Variants in PRKN observed in about 807,000 individuals in gnomAD.
PRKN encodes parkin RBR E3 ubiquitin protein ligase, also known as E3 ubiquitin-protein ligase parkin.
In PRKN, 56 loss-of-function variants were observed where a neutral mutation model predicts 59.5. That is an observed-to-expected ratio of 0.94 (90% confidence interval 0.76 to 1.18). The LOEUF (loss-of-function observed/expected upper bound fraction) is 1.18, where lower values mean the gene tolerates loss of function less well. PRKN is among the 50% of genes most tolerant of loss of function. The pLI is 0.00. For synonymous variants in PRKN, 250 were observed against 222.1 expected, an observed-to-expected ratio of 1.13 and a Z score of -1.12; for missense variants, 657 against 596.4, an observed-to-expected ratio of 1.10 and a Z score of -1.06.
chr6:161,669,194 G>A (rs577960304), intron 7 of PRKN, among the ~76,000 whole-genome samples: 5 of 152,176 alleles, frequency 3.3e-5, no homozygotes, highest in Non-Finnish European at 5.9e-5. Flanking sequence ...ATCTGCCAGC[G>A]TCTTGATCTT....
chr6:161,936,291 C>T (rs1272917539), intron 6 of PRKN, among the ~76,000 whole-genome samples: 1 of 150,464 alleles, frequency 6.6e-6, no homozygotes, highest in Non-Finnish European at 1.5e-5. Flanking sequence ...CTCATTGCAC[C>T]ACCACCTCCT....
At chr6:162,112,557 A>G (rs775059014) in intron 4 of PRKN, among the ~76,000 whole-genome samples, 1 of 152,150 alleles carries the variant, frequency 6.6e-6, no homozygotes, top group Non-Finnish European at 1.5e-5. Flanking sequence ...TCCTTTGGAT[A>G]TGCACTCCCC....
chr6:162,533,741 C>T (rs1778604471), intron 1 of PRKN, among the ~76,000 whole-genome samples: 3 of 151,694 alleles, frequency 2.0e-5, no homozygotes, highest in Admixed American at 6.6e-5. Context: ...GAGGCCGAGG[C>T]GGGCGGATCA....
chr6:162,518,814 C>T (rs1307845162), intron 1 of PRKN, among the ~76,000 whole-genome samples: 3 of 152,182 alleles, frequency 2.0e-5, no homozygotes, highest in African/African-American at 7.2e-5. Flanking sequence ...TTATTCACAA[C>T]ACTTCATCAC....
chr6:162,442,825 A>G (rs118057549), intron 2 of PRKN, among the ~76,000 whole-genome samples: 190 of 152,252 alleles, frequency 1.2e-3, no homozygotes, highest in East Asian at 0.011. Flanking sequence ...CTAGTTGCCA[A>G]TGGGCCCCGG....
At chr6:162,674,661 T>C (rs1779468350) in intron 1 of PRKN, among the ~76,000 whole-genome samples, 1 of 152,168 alleles carries the variant, frequency 6.6e-6, no homozygotes, top group Non-Finnish European at 1.5e-5. Flanking sequence ...CTTTAACAAG[T>C]AAGCAAAGGA....
chr6:161,974,635 G>T (rs1780954949), intron 5 of PRKN, among the ~76,000 whole-genome samples: 1 of 151,684 alleles, frequency 6.6e-6, no homozygotes, highest in Non-Finnish European at 1.5e-5. Flanking sequence ...TGCCTTCCAT[G>T]ATACTAACAT....
intron 5 of PRKN, among the ~76,000 whole-genome samples, chr6:161,999,346 T>C (rs965060350): frequency 2.6e-5 from 4 of 152,102 alleles, no homozygotes; most frequent in Non-Finnish European, 5.9e-5. Flanking sequence ...ATCTGGACAC[T>C]GGACTTTACT....
chr6:161,763,986 C>T (rs1300348240), intron 7 of PRKN, among the ~76,000 whole-genome samples: 1 of 152,154 alleles, frequency 6.6e-6, no homozygotes, highest in Non-Finnish European at 1.5e-5. Flanking sequence ...GATCATGCCA[C>T]TTCTCTTATA....
chr6:161,784,947 A>G (rs1178162049), intron 7 of PRKN, among the ~76,000 whole-genome samples: 2 of 152,252 alleles, frequency 1.3e-5, no homozygotes, highest in East Asian at 3.8e-4. Context: ...AGAAATATTC[A>G]TACACGCTAC....
intron 1 of PRKN, among the ~76,000 whole-genome samples, chr6:162,656,429 G>A (rs1778641519): frequency 6.6e-6 from 1 of 152,138 alleles, no homozygotes; most frequent in African/African-American, 2.4e-5. Flanking sequence ...CCAGAAATCA[G>A]GATGCTAGTG....
intron 1 of PRKN, chr6:162,569,168 TA>T: frequency 1.7e-6 from 1 of 593,806 alleles, no homozygotes; most frequent in Non-Finnish European, 3.1e-6. Flanking sequence ...AGATCAAGTA[TA>T]AGGAGCTGCA....
chr6:162,388,326 C>T (rs1232704227), intron 2 of PRKN, among the ~76,000 whole-genome samples: 4 of 152,120 alleles, frequency 2.6e-5, no homozygotes, highest in Non-Finnish European at 5.9e-5. Context: ...AAGCTCCAAT[C>T]GTCATCTTTC....
Position 161,980,656 on chromosome 6 carries a change from G to A in PRKN, c.619-7239C>T, listed in dbSNP as rs190803378. Among the ~76,000 whole-genome samples, 14 of 152,282 alleles carry A rather than the reference G, an allele frequency of 9.2e-5. No individual in the cohort carries two copies. In the East Asian group the frequency reaches 2.5e-3, roughly 27 times the overall value. On this transcript the variant is annotated intron_variant, in intron 5 of 11. Transcript: ENST00000366898. ...CTGGTTGGGAGTCTGACAATGAATGGGATGAAGCCACTGCCAGAGATGTCC... is the reference window on the plus strand; with the variant it reads ...CTGGTTGGGAGTCTGACAATGAATGAGATGAAGCCACTGCCAGAGATGTCC...
In PRKN at chr6:161,588,926, C is replaced by A. The variant is rs535691624; in HGVS notation, c.872-19510G>T. ...AGCCTGACCCAGATATTTTTGTTAA[C>A]CTGAAATGCAAATGTAACCGGTATC... On this transcript the variant is annotated intron_variant, in intron 7 of 11. Transcript: ENST00000366898. This position sits in a 1 kb window ranked among gnomAD's most constrained non-coding sequence, Gnocchi z 5.0. Among the ~76,000 whole-genome samples the A allele has an allele frequency of 4.6e-5, 7 of 152,194 alleles. No homozygotes were observed. The highest frequency in any genetic ancestry group is 1.7e-4 in the African/African-American group (7 of 41,538).
chr6:162,683,936 G>A (rs548950424), intron 1 of PRKN, among the ~76,000 whole-genome samples: 2 of 152,114 alleles, frequency 1.3e-5, no homozygotes, highest in African/African-American at 2.4e-5. Context: ...GTGAAAAAAC[G>A]TACACCTTTC....
chr6:162,612,029 CGA>C (rs1491290957), intron 1 of PRKN, among the ~76,000 whole-genome samples: 3 of 134,848 alleles, frequency 2.2e-5, no homozygotes, highest in Middle Eastern at 3.7e-3. Flanking sequence ...ACTAAAAATA[CGA>C]AAAAAAAAAA....
intron 7 of PRKN, among the ~76,000 whole-genome samples, chr6:161,746,160 A>G (rs1341116772): frequency 6.6e-6 from 1 of 152,174 alleles, no homozygotes; most frequent in Non-Finnish European, 1.5e-5. Flanking sequence ...TGCCCGAGTA[A>G]TTTCCTAAAG....
chr6:161,369,268 C>T lies in PRKN; in HGVS notation c.1168-9063G>A, dbSNP rs147094820. 5.4e-4 allele frequency among the ~76,000 whole-genome samples: 82 copies of T among 152,264 alleles called. 1 individual carries two copies. The East Asian group carries it at 0.015, about 27-fold the overall frequency. On this transcript the variant is annotated intron_variant, in intron 10 of 11. Transcript: ENST00000366898. The surrounding 1 kb of genome is among the most constrained non-coding windows in gnomAD (Gnocchi z 5.8). ...ACCAAAGCGATTCTAAAAATGATCC[C>T]AAGGCTTGTGTCCAGACTCTGGAGA... is the stretch of plus-strand genomic sequence containing the variant.
Sources: gnomAD v4.1 joint callset for allele counts (sites outside exome capture counted in the v4.1 genomes callset) on GRCh38, gnomAD v4.1.1 for gene constraint, Gnocchi (gnomAD v3.1) non-coding constraint, MANE v1.5 for transcripts, NCBI Gene and HGNC (gene_info 2026-07-23, HGNC 2026-07-21) for gene names.